CHPF: variants seen among roughly 807,000 people sequenced by gnomAD.
CHPF encodes chondroitin polymerizing factor.
In CHPF, 34 loss-of-function variants were observed where a neutral mutation model predicts 55.1. The observed-to-expected ratio is 0.62, with a 90% CI of 0.47 to 0.82. The LOEUF (loss-of-function observed/expected upper bound fraction) is 0.82, where lower values mean the gene tolerates loss of function less well. Ranked by LOEUF, CHPF falls within the 40% of genes least tolerant of loss-of-function variation. The pLI is 0.00. For synonymous variants in CHPF, 489 were observed against 496.6 expected (o/e 0.98, Z 0.20); for missense variants, 961 against 1,106.1 (o/e 0.87, Z 1.86).
Position 219,543,421 on chromosome 2 carries a change from G to C in CHPF, c.118C>G (p.Pro40Ala). 6.5e-7 allele frequency: 1 copy of C among 1,528,112 alleles called. No individual in the cohort carries two copies. The highest frequency in any genetic ancestry group is 8.7e-7 in the Non-Finnish European group (1 of 1,148,628). 94.7% of individuals were successfully genotyped at this position (1,528,112 alleles called of 1,614,324 possible). A position where few individuals can be genotyped will look rare whatever the true frequency, so the allele number is the denominator to read the frequency against. ...GAGTCTCCAGGTTGGGGCGGGCCTG[G>C]GCCGCACGGCTCCTCCACCCAGGTG... is the stretch of plus-strand genomic sequence containing the variant. ...SVTWVEEPCGPGPPQPGDSEL... is the reference protein window; with the variant it reads ...SVTWVEEPCGAGPPQPGDSEL... The change falls in exon 1 of 4, where the codon CCA becomes GCA. Residue 40 changes from proline (P) to alanine (A), a missense_variant. Transcript: ENST00000243776.
Position 219,541,675 on chromosome 2 carries a change from C to T in CHPF, c.829G>A (p.Glu277Lys), listed in dbSNP as rs746575835. ...TCGAGAATGCAGCGACCCAGCCACT[C>T]GTCAGGGCGCGCACTGACGATGTCG... ...RNDIVSARPD[E>K]WLGRCILDAT... The change falls in exon 2 of 4, where the codon GAG becomes AAG. Residue 277 changes from glutamate (E) to lysine (K), a missense_variant. Physicochemically the swap from Glu to Lys is moderately conservative, Grantham distance 56. Transcript: ENST00000243776. 1.9e-6 allele frequency: 3 copies of T among 1,607,964 alleles called. No homozygotes were observed. The East Asian group carries it at 6.7e-5, about 36-fold the overall frequency.
At position 219,543,318 on chromosome 2, in the gene CHPF, G is replaced by T; in HGVS notation, c.221C>A (p.Pro74His). Residue 74 changes from proline to histidine, a missense_variant, in exon 1 of 4, where the codon CCC (proline) becomes CAC (histidine). Coordinates refer to ENST00000243776, the MANE Select transcript of CHPF (RefSeq NM_024536.6). ...CTCCCCGGCGCCTTCGCCGGCCCCGGGCTTCTCGCGCTCCGCTCCGGGCTG... is the reference window on the plus strand; with the variant it reads ...CTCCCCGGCGCCTTCGCCGGCCCCGTGCTTCTCGCGCTCCGCTCCGGGCTG... ...SVQPGAEREKPGAGEGAGENW... is the reference protein window; with the variant it reads ...SVQPGAEREKHGAGEGAGENW... 3 of 1,573,354 alleles carry T rather than the reference G, an allele frequency of 1.9e-6. No homozygotes were observed. The highest frequency in any genetic ancestry group is 2.6e-6 in the Non-Finnish European group (3 of 1,169,504).
At position 219,543,423 on chromosome 2, in the gene CHPF, C is replaced by A; in HGVS notation, c.116G>T (p.Gly39Val). ...LSVTWVEEPC[G>V]PGPPQPGDSE... ...GTCTCCAGGTTGGGGCGGGCCTGGG[C>A]CGCACGGCTCCTCCACCCAGGTGAC... Residue 39 changes from glycine to valine, a missense_variant, in exon 1 of 4, where the codon GGC becomes GTC. Coordinates refer to ENST00000243776, the MANE Select transcript of CHPF (RefSeq NM_024536.6). 1 of 1,524,874 alleles carries A rather than the reference C, an allele frequency of 6.6e-7. No homozygotes were observed. Among genetic ancestry groups the A allele is most frequent in the African/African-American group, 1.4e-5 (1 of 69,726 alleles). 94.5% of individuals were successfully genotyped at this position (1,524,874 alleles called of 1,614,324 possible). A position where few individuals can be genotyped will look rare whatever the true frequency, so the allele number is the denominator to read the frequency against.
Position 219,540,643 on chromosome 2 carries a change from C to T in CHPF, c.1069-1G>A. ...GATGGCTGGTATTCTGGATCTCCCA[C>T]TGGATCAGAGAAACAGGCCATCAGC... On this transcript the variant is annotated splice_acceptor_variant, in intron 3 of 3. Coordinates refer to ENST00000243776, the MANE Select transcript of CHPF (RefSeq NM_024536.6). LOFTEE classifies it high-confidence loss of function. 6.3e-7 allele frequency: 1 copy of T among 1,588,948 alleles called. No individual in the cohort carries two copies. The highest frequency in any genetic ancestry group is 8.6e-7 in the Non-Finnish European group (1 of 1,168,386).
intron 1 of CHPF, 105 bp from the exon 2 acceptor site, chr2:219,542,294 T>C (rs1181112954): frequency 3.6e-6 from 3 of 825,250 alleles, no homozygotes; most frequent in Non-Finnish European, 3.6e-6. Flanking sequence ...TCTGTATCTG[T>C]TCTCTCACCT....
chr2:219,539,204 A>G lies in CHPF; in HGVS notation c.*179T>C, dbSNP rs1695205426. 5.0e-6 allele frequency: 3 copies of G among 604,616 alleles called. No homozygotes were observed. The South Asian group carries it at 6.8e-5, about 14-fold the overall frequency. The allele number at this position is 604,616 out of a possible 1,614,324, so 37.5% of individuals were successfully genotyped here. A position where few individuals can be genotyped will look rare whatever the true frequency, so the allele number is the denominator to read the frequency against. On this transcript the variant is annotated 3_prime_UTR_variant, in exon 4 of 4. Transcript: ENST00000243776. Reference sequence around the variant, plus strand: ...ATGAGAAGTGGGTGGCTCTGGGGGCACGTCCCCCAGTGCTTGTCCAGAGCC... The same window carrying G: ...ATGAGAAGTGGGTGGCTCTGGGGGCGCGTCCCCCAGTGCTTGTCCAGAGCC...
At position 219,543,312 on chromosome 2, in the gene CHPF, G is replaced by T. The variant is rs745792221; in HGVS notation, c.227C>A (p.Ala76Asp). 6.4e-7 allele frequency: 1 copy of T among 1,572,588 alleles called. No individual in the cohort carries two copies. Among genetic ancestry groups the T allele is most frequent in the South Asian group, 1.1e-5 (1 of 88,042 alleles). The change falls in exon 1 of 4, where the codon GCC becomes GAC. Residue 76 changes from alanine to aspartate, a missense_variant. Ala to Asp is a moderately radical substitution (Grantham distance 126, BLOSUM62 -2). This residue lies in a region of CHPF where 936 missense variants were observed against 1,058.4 expected (regional missense o/e 0.88). Coordinates refer to ENST00000243776, the MANE Select transcript of CHPF (RefSeq NM_024536.6). The part of the protein sequence containing the change: ...QPGAEREKPG[A>D]GEGAGENWEP... Reference sequence around the variant, plus strand: ...CCAATTCTCCCCGGCGCCTTCGCCGGCCCCGGGCTTCTCGCGCTCCGCTCC... The same window carrying T: ...CCAATTCTCCCCGGCGCCTTCGCCGTCCCCGGGCTTCTCGCGCTCCGCTCC...
Position 219,540,206 on chromosome 2 carries a change from A to T in CHPF, c.1505T>A (p.Val502Asp). Residue 502 changes from valine (V) to aspartate (D), a missense_variant, in exon 4 of 4, where the codon GTC (valine) becomes GAC (aspartate). By Grantham distance (152) the Val-to-Asp change is radical. Coordinates refer to ENST00000243776, the MANE Select transcript of CHPF (RefSeq NM_024536.6). ...SRVEILPVPY[V>D]TEASRLTVLL... ...CACAGTGAGACGTGAGGCCTCAGTG[A>T]CATAGGGCACAGGCAAGATCTCCAC... 1 of 1,613,108 alleles carries T rather than the reference A, an allele frequency of 6.2e-7. No homozygotes were observed. Among genetic ancestry groups the T allele is most frequent in the South Asian group, 1.1e-5 (1 of 91,004 alleles).
chr2:219,541,311 G>A (rs1320501030), intron 2 of CHPF, 186 bp from the exon 3 acceptor site: 5 of 596,716 alleles, frequency 8.4e-6, no homozygotes, highest in Non-Finnish European at 1.4e-5. Flanking sequence ...CTGCGAAATG[G>A]GCATGCGTCC....
At position 219,539,469 on chromosome 2, in the gene CHPF, A is replaced by G. The variant is rs1373666094; in HGVS notation, c.2242T>C (p.Cys748Arg). The change falls in exon 4 of 4, where the codon TGC becomes CGC. Residue 748 changes from cysteine (C) to arginine (R), a missense_variant. Transcript: ENST00000243776. Reference sequence around the variant, plus strand: ...AGGCCCTCAAGCACGCTCTGGAGGCAGCGGTGGTACAGGTCCTCACTGAGC... The same window carrying G: ...AGGCCCTCAAGCACGCTCTGGAGGCGGCGGTGGTACAGGTCCTCACTGAGC... ...ARLSEDLYHR[C>R]LQSVLEGLGS... 5.0e-6 allele frequency: 8 copies of G among 1,613,450 alleles called. No homozygotes were observed. Among genetic ancestry groups the G allele is most frequent in the Non-Finnish European group, 6.8e-6 (8 of 1,179,780 alleles).
At chr2:219,540,740 C>T (rs1695253474) in intron 3 of CHPF, 98 bp from the exon 4 acceptor site, 1 of 1,315,132 alleles carries the variant, frequency 7.6e-7, no homozygotes, top group Non-Finnish European at 1.0e-6. Context: ...CAGGATGGGC[C>T]CCTCATCCCC....
chr2:219,540,606 C>T lies in CHPF; in HGVS notation c.1105G>A (p.Gly369Arg). The stretch of plus-strand genomic sequence containing the variant: ...ACGGGCCAAGCAGCTGCCTGGTCCC[C>T]ATCAACGGCCAGATGGCTGGTATTC... The part of the protein sequence containing the change: ...IQNTSHLAVD[G>R]DQAAAWPVGI... The change falls in exon 4 of 4, where the codon GGG (glycine) becomes AGG (arginine). Residue 369 changes from glycine to arginine, a missense_variant. Gly to Arg is a moderately radical substitution (Grantham distance 125). Transcript: ENST00000243776. 6.2e-7 allele frequency: 1 copy of T among 1,607,960 alleles called. No homozygotes were observed. Among genetic ancestry groups the T allele is most frequent in the Non-Finnish European group, 8.5e-7 (1 of 1,177,284 alleles).
Position 219,539,545 on chromosome 2 carries a change from C to G in CHPF, c.2166G>C (p.Ala722=), listed in dbSNP as rs375153120. 1.7e-5 allele frequency: 28 copies of G among 1,613,896 alleles called. No homozygotes were observed. Among genetic ancestry groups the G allele is most frequent in the Non-Finnish European group, 2.4e-5 (28 of 1,179,942 alleles). ...LHFSSLHVLR[A]VEPALLQRYR... ...AGCGCTGCAGCAGCGCCGGCTCCAC[C>G]GCCCGCAGCACATGCAGACTGGAGA... Residue 722 remains alanine (A), a synonymous_variant, in exon 4 of 4, where the codon GCG becomes GCC. Transcript: ENST00000243776.
In CHPF at chr2:219,541,741, G is replaced by A; in HGVS notation, c.763C>T (p.Leu255=). The A allele has an allele frequency of 6.2e-7, 1 of 1,610,798 alleles. No homozygotes were observed. Among genetic ancestry groups the A allele is most frequent in the Non-Finnish European group, 8.5e-7 (1 of 1,178,676 alleles). ...AGGTGGGGGCGCAGTTGTTGCAGCA[G>A]CATGCGCGACAGCAGCACCCCAAAG... ...GGFGVLLSRM[L]LQQLRPHLEG... is the part of the protein sequence containing the mutation. Residue 255 remains leucine, a synonymous_variant, in exon 2 of 4, where the codon CTG becomes TTG. Coordinates refer to ENST00000243776, the MANE Select transcript of CHPF (RefSeq NM_024536.6).
chr2:219,543,216 G>A lies in CHPF; in HGVS notation c.314+9C>T. The A allele has an allele frequency of 2.0e-6, 3 of 1,525,730 alleles. No individual in the cohort carries two copies. The highest frequency in any genetic ancestry group is 2.6e-6 in the Non-Finnish European group (3 of 1,147,870). The allele number at this position is 1,525,730 out of a possible 1,614,324, so 94.5% of individuals were successfully genotyped here. On this transcript the variant is annotated intron_variant, in intron 1 of 3. Transcript: ENST00000243776. ...CCCAGGGGGTAGAGCGGGCGCAGCCGATCACTACCTGACGGCCTTTTTGGC... is the reference window on the plus strand; with the variant it reads ...CCCAGGGGGTAGAGCGGGCGCAGCCAATCACTACCTGACGGCCTTTTTGGC...
At chr2:219,542,449 C>T (rs1048547626) in intron 1 of CHPF, among the ~76,000 whole-genome samples, 1 of 152,138 alleles carries the variant, frequency 6.6e-6, no homozygotes, top group Non-Finnish European at 1.5e-5. Context: ...CTCCGGGGTT[C>T]GCTACTTAGT....
rs61733622 is a variant in CHPF at position 219,543,397 on chromosome 2, A to G, written c.142T>C (p.Ser48Pro). ...GTGTTGCCGCGCGGCGGCAGCTCAG[A>G]GTCTCCAGGTTGGGGCGGGCCTGGG... The part of the protein sequence containing the change: ...CGPGPPQPGD[S>P]ELPPRGNTNA... The change falls in exon 1 of 4, where the codon TCT becomes CCT. Residue 48 changes from serine (S) to proline (P), a missense_variant. Ser to Pro is a moderately conservative substitution (Grantham distance 74). Around this residue, in one of 3 missense-constraint regions of CHPF, gnomAD observed 936 missense variants for 1,058.4 expected, o/e 0.88. Transcript: ENST00000243776. 1.5e-3 allele frequency: 2,369 copies of G among 1,558,906 alleles called. 28 individuals carry two copies. In the African/African-American group the frequency reaches 0.028, roughly 19 times the overall value.
chr2:219,539,514 C>T lies in CHPF; in HGVS notation c.2197G>A (p.Ala733Thr). Residue 733 changes from alanine (A) to threonine (T), a missense_variant, in exon 4 of 4, where the codon GCC becomes ACC. Ala to Thr is a moderately conservative substitution (Grantham distance 58, BLOSUM62 0). This residue lies in a region of CHPF where 936 missense variants were observed against 1,058.4 expected (regional missense o/e 0.88). Transcript: ENST00000243776. ...VEPALLQRYR[A>T]QTCSARLSED... ...CTGAGCCTCGCGCTGCACGTCTGGG[C>T]CCGGTAGCGCTGCAGCAGCGCCGGC... 6.2e-7 allele frequency: 1 copy of T among 1,613,748 alleles called. No individual in the cohort carries two copies. The highest frequency in any genetic ancestry group is 8.5e-7 in the Non-Finnish European group (1 of 1,179,910).
chr2:219,539,360 C>T lies in CHPF; in HGVS notation c.*23G>A, dbSNP rs756736999. The T allele has an allele frequency of 3.0e-5, 47 of 1,567,854 alleles. No homozygotes were observed. Among genetic ancestry groups the T allele is most frequent in the Middle Eastern group, 4.5e-4 (2 of 4,464 alleles). Reference sequence around the variant, plus strand: ...AGTGGGGTGGGGTGTGGCCATGCCACGGCCCACGGGGACAGGGTGGGGTCA... The same window carrying T: ...AGTGGGGTGGGGTGTGGCCATGCCATGGCCCACGGGGACAGGGTGGGGTCA... On this transcript the variant is annotated 3_prime_UTR_variant, in exon 4 of 4. Transcript: ENST00000243776.
Sources: allele counts gnomAD v4.1 joint callset (sites outside exome capture counted in the v4.1 genomes callset), GRCh38; gene constraint gnomAD v4.1.1; regional missense constraint gnomAD v4.1.1; transcripts MANE v1.5; gene names NCBI Gene and HGNC (gene_info 2026-07-23, HGNC 2026-07-21).